Variants in NKAIN2 observed in about 807,000 individuals in gnomAD.
NKAIN2 encodes sodium/potassium transporting ATPase interacting 2.
A neutral mutation model predicts 32.6 loss-of-function variants in NKAIN2; 14 were observed. The ratio of observed to expected loss-of-function variants is 0.43; its 90% confidence interval spans 0.28 to 0.67. The LOEUF (loss-of-function observed/expected upper bound fraction) is 0.67, where lower values mean the gene tolerates loss of function less well. Among genes scored for constraint, NKAIN2 ranks in the 30% least tolerant of loss-of-function variants. The pLI is 0.17. For synonymous variants in NKAIN2, 80 were observed against 87.2 expected, an observed-to-expected ratio of 0.92 and a Z score of 0.46; for missense variants, 198 against 258.3, an observed-to-expected ratio of 0.77 and a Z score of 1.60.
At chr6:124,230,350 TA>T (rs1792383476) in intron 1 of NKAIN2, among the ~76,000 whole-genome samples, 1 of 152,152 alleles carries the variant, frequency 6.6e-6, no homozygotes, top group Non-Finnish European at 1.5e-5. Context: ...AAACAGAGCA[TA>T]AAAGTTTGGA....
chr6:124,154,594 T>C (rs1469768902), intron 1 of NKAIN2, among the ~76,000 whole-genome samples: 4 of 151,996 alleles, frequency 2.6e-5, no homozygotes, highest in Non-Finnish European at 5.9e-5. Flanking sequence ...TCTAACTCTT[T>C]CTTTAAATGA....
chr6:124,231,077 G>A (rs574119237), intron 1 of NKAIN2, among the ~76,000 whole-genome samples: 187 of 152,336 alleles, frequency 1.2e-3, no homozygotes, highest in African/African-American at 4.1e-3. Context: ...ACCCAAGACC[G>A]TGGGAACCCA....
At chr6:124,169,757 G>A (rs772130422) in intron 1 of NKAIN2, among the ~76,000 whole-genome samples, 3 of 151,988 alleles carry the variant, frequency 2.0e-5, no homozygotes, top group African/African-American at 4.8e-5. Flanking sequence ...ATCTTCTTAG[G>A]TGGAAAATCT....
chr6:124,482,120 A>G (rs1777476965), intron 3 of NKAIN2, among the ~76,000 whole-genome samples: 1 of 152,146 alleles, frequency 6.6e-6, no homozygotes, highest in Non-Finnish European at 1.5e-5. Context: ...GTCTCTTCCC[A>G]AAGCAAATTA....
intron 3 of NKAIN2, among the ~76,000 whole-genome samples, chr6:124,555,339 G>C (rs1780432894): frequency 6.6e-6 from 1 of 151,868 alleles, no homozygotes; most frequent in African/African-American, 2.4e-5. Flanking sequence ...ACAGCCTCCT[G>C]ACTGTGTCTC....
At chr6:124,319,102 G>A (rs923627928) in intron 2 of NKAIN2, among the ~76,000 whole-genome samples, 1 of 151,862 alleles carries the variant, frequency 6.6e-6, no homozygotes, top group Admixed American at 6.6e-5. Context: ...ATAAAGTTGC[G>A]GTCTCTCCTA....
chr6:124,208,807 T>G (rs1791028194), intron 1 of NKAIN2, among the ~76,000 whole-genome samples: 2 of 151,678 alleles, frequency 1.3e-5, no homozygotes, highest in Admixed American at 1.3e-4. Context: ...ATGCTTTATT[T>G]ATTTAAAACT....
At chr6:123,804,324 G>T in intron 1 of NKAIN2, 70 bp downstream of exon 1, 1 of 1,300,640 alleles carries the variant, frequency 7.7e-7, no homozygotes, top group East Asian at 2.3e-5. Context: ...GTGCAGCAAA[G>T]GGTCTGCCAT....
chr6:124,219,150 A>C (rs1791655203), intron 1 of NKAIN2, among the ~76,000 whole-genome samples: 1 of 152,214 alleles, frequency 6.6e-6, no homozygotes, highest in Admixed American at 6.5e-5. Flanking sequence ...ACAGAGCCAA[A>C]CCATATCAAG....
intron 1 of NKAIN2, among the ~76,000 whole-genome samples, chr6:124,249,684 C>T (rs1271832438): frequency 6.6e-6 from 1 of 151,844 alleles, no homozygotes; most frequent in African/African-American, 2.4e-5. Context: ...AAAGTGGGAC[C>T]CATGGGAGTT....
At chr6:124,471,198 A>G (rs1415056400) in intron 3 of NKAIN2, among the ~76,000 whole-genome samples, 2 of 152,086 alleles carry the variant, frequency 1.3e-5, no homozygotes, top group Non-Finnish European at 2.9e-5. Flanking sequence ...GGTCATTTAT[A>G]TCCTTCCTTT....
At chr6:124,667,950 C>T (rs928148988) in intron 4 of NKAIN2, among the ~76,000 whole-genome samples, 4 of 152,098 alleles carry the variant, frequency 2.6e-5, no homozygotes, top group Admixed American at 6.6e-5. Context: ...TCCCAACCCA[C>T]ACATTCTTCT....
chr6:124,432,445 A>G (rs1440738303), intron 3 of NKAIN2, among the ~76,000 whole-genome samples: 1 of 152,012 alleles, frequency 6.6e-6, no homozygotes, highest in Non-Finnish European at 1.5e-5. Context: ...GCTCTATTTA[A>G]AATTATAAAG....
chr6:124,701,849 C>T (rs1774808555), intron 4 of NKAIN2, among the ~76,000 whole-genome samples: 1 of 151,870 alleles, frequency 6.6e-6, no homozygotes, highest in South Asian at 2.1e-4. Context: ...TATTGCATGG[C>T]CTAATAGAAC....
chr6:123,848,892 C>T (rs1775201492), intron 1 of NKAIN2, among the ~76,000 whole-genome samples: 1 of 152,216 alleles, frequency 6.6e-6, no homozygotes. Flanking sequence ...CCCACTACTA[C>T]ATCCACAAAA....
At chr6:123,841,087 A>C (rs1001924197) in intron 1 of NKAIN2, among the ~76,000 whole-genome samples, 17 of 152,194 alleles carry the variant, frequency 1.1e-4, no homozygotes, top group African/African-American at 3.9e-4. Context: ...ACTATAGCAC[A>C]ACTGTTATTC....
intron 1 of NKAIN2, among the ~76,000 whole-genome samples, chr6:124,012,310 G>T (rs1780371905): frequency 6.7e-6 from 1 of 148,412 alleles, no homozygotes; most frequent in African/African-American, 2.5e-5. Flanking sequence ...TCTTTATTTT[G>T]CATGGCTTCT....
At chr6:124,439,879 A>G (rs1308176193) in intron 3 of NKAIN2, among the ~76,000 whole-genome samples, 1 of 151,896 alleles carries the variant, frequency 6.6e-6, no homozygotes, top group Non-Finnish European at 1.5e-5. Flanking sequence ...CTCTCGACTC[A>G]TCTCAGATAG....
At chr6:124,406,444 G>C (rs1469513823) in intron 3 of NKAIN2, among the ~76,000 whole-genome samples, 3 of 152,096 alleles carry the variant, frequency 2.0e-5, no homozygotes, top group African/African-American at 7.2e-5. Flanking sequence ...ATGGATACAT[G>C]ACAATTTTTC....
Sources: gnomAD v4.1 joint callset for allele counts (sites outside exome capture counted in the v4.1 genomes callset) on GRCh38, gnomAD v4.1.1 for gene constraint, MANE v1.5 for transcripts, NCBI Gene and HGNC (gene_info 2026-07-23, HGNC 2026-07-21) for gene names.